The following PINX1 variants were observed in gnomAD, a reference collection of about 807,000 sequenced individuals.
PINX1 encodes PIN2 (TERF1) interacting telomerase inhibitor 1.
In PINX1, 34 loss-of-function variants were observed where a neutral mutation model predicts 25.4. That is an observed-to-expected ratio of 1.34 (90% CI 1.02 to 1.78). The LOEUF is 1.78. Among genes scored for constraint, PINX1 ranks in the 40% most tolerant of loss-of-function variants. The pLI is 0.00. For synonymous variants in PINX1, 197 were observed against 147.7 expected (o/e 1.33, Z -2.42); for missense variants, 592 against 404.9 (o/e 1.46, Z -3.97).
chr8:10,778,486 G>C (rs1364104697), intron 6 of PINX1, among the ~76,000 whole-genome samples: 1 of 152,114 alleles, frequency 6.6e-6, no homozygotes, highest in African/African-American at 2.4e-5. Context: ...ATCTCCTGTA[G>C]GGTTCAAGTG....
Position 10,765,282 on chromosome 8 carries a change from A to G in PINX1, c.*119T>C. 1 of 912,476 alleles carries G rather than the reference A, an allele frequency of 1.1e-6. No individual in the cohort carries two copies. The highest frequency in any genetic ancestry group is 1.8e-5 in the South Asian group (1 of 54,226). 56.5% of individuals were successfully genotyped at this position (912,476 alleles called of 1,614,324 possible). On this transcript the variant is annotated 3_prime_UTR_variant, in exon 7 of 7. Transcript: ENST00000314787. ...GGGCAGGACTCGGCAGCCCATGGGC[A>G]TGCCACAAGATGCGCCCAGGCGCTC...
intron 2 of PINX1, chr8:10,834,296 G>A (rs1798326312): frequency 2.1e-5 from 4 of 186,730 alleles, no homozygotes; most frequent in Admixed American, 1.7e-4. Context: ...TAAGTAATGT[G>A]AGAACAAAAC....
chr8:10,823,498 CT>C (rs2129086813), intron 5 of PINX1, among the ~76,000 whole-genome samples: 1 of 152,072 alleles, frequency 6.6e-6, no homozygotes, highest in South Asian at 2.1e-4. Context: ...TAGCCTCTAT[CT>C]GCAGAGACCT....
intron 3 of PINX1, among the ~76,000 whole-genome samples, chr8:10,832,246 A>T (rs1220275571): frequency 2.0e-5 from 3 of 152,210 alleles, no homozygotes; most frequent in Non-Finnish European, 4.4e-5. Flanking sequence ...TGAATCGATG[A>T]GTTCCCATTT....
chr8:10,817,884 T>C, intron 6 of PINX1, among the ~76,000 whole-genome samples: 1 of 151,838 alleles, frequency 6.6e-6, no homozygotes, highest in South Asian at 2.1e-4. Flanking sequence ...CAACCCTCGC[T>C]CCTTACTGAA....
Position 10,834,764 on chromosome 8 carries a change from G to T in PINX1, c.31C>A (p.Gln11Lys). Residue 11 changes from glutamine (Q) to lysine (K), a missense_variant, in exon 2 of 7, where the codon CAG becomes AAG. By Grantham distance (53) the Gln-to-Lys change is moderately conservative. Transcript: ENST00000314787. ...TTCTGAGGATCCACAGCCCACTTCT[G>T]CTTCCGCCGACCTGTAAATGAAAAA... MSMLAERRRK[Q>K]KWAVDPQNTA... The T allele has an allele frequency of 6.2e-7, 1 of 1,612,352 alleles. No homozygotes were observed. The highest frequency in any genetic ancestry group is 8.5e-7 in the Non-Finnish European group (1 of 1,179,160).
Position 10,780,703 on chromosome 8 carries a change from C to A in PINX1, c.472-14787G>T, listed in dbSNP as rs368213221. Among the ~76,000 whole-genome samples, 6 of 150,446 alleles carry A rather than the reference C, an allele frequency of 4.0e-5. No individual in the cohort carries two copies. In the South Asian group the frequency reaches 1.0e-3, roughly 26 times the overall value. On this transcript the variant is annotated intron_variant, in intron 6 of 6. Coordinates refer to ENST00000314787, the MANE Select transcript of PINX1 (RefSeq NM_017884.6). ...CTGAAAACTATAAAACACTGATGAA[C>A]GAAAAAGGACACAGATAGATGGAAA...
chr8:10,788,667 T>C (rs1477713458), intron 6 of PINX1, among the ~76,000 whole-genome samples: 1 of 152,032 alleles, frequency 6.6e-6, no homozygotes, highest in African/African-American at 2.4e-5. Context: ...TGTGTCTAAG[T>C]GAAAGTGGTC....
intron 6 of PINX1, among the ~76,000 whole-genome samples, chr8:10,776,400 G>C (rs1460037814): frequency 6.6e-6 from 1 of 151,486 alleles, no homozygotes; most frequent in Non-Finnish European, 1.5e-5. Flanking sequence ...ACTCCGGCCT[G>C]GGTAACAGAG....
intron 6 of PINX1, among the ~76,000 whole-genome samples, chr8:10,768,673 C>T (rs1480510546): frequency 6.6e-6 from 1 of 152,132 alleles, no homozygotes; most frequent in African/African-American, 2.4e-5. Flanking sequence ...CAGAAACGTG[C>T]CTATTTTACA....
At chr8:10,767,806 C>G (rs1256670961) in intron 6 of PINX1, among the ~76,000 whole-genome samples, 329 of 74,622 alleles carry the variant, frequency 4.4e-3, no homozygotes, top group Middle Eastern at 8.8e-3. Context: ...CACAGCCACA[C>G]AGAGACAGGC....
rs34143365 is a variant in PINX1 at position 10,765,053 on chromosome 8, GACAC to G, written c.*344_*347del. The G allele has an allele frequency of 1.0e-3, 202 of 201,872 alleles. 1 individual carries two copies. In the East Asian group the frequency reaches 0.013, roughly 13 times the overall value. The allele number at this position is 201,872 out of a possible 1,614,324, so 12.5% of individuals were successfully genotyped here. ...GGAACCGAGAGCAAACGGAGATAGT[GACAC>G]ACACACACACACACAGATGCGCACA... On this transcript the variant is annotated 3_prime_UTR_variant, in exon 7 of 7. Transcript: ENST00000314787.
chr8:10,817,949 A>G (rs7845731), intron 6 of PINX1, among the ~76,000 whole-genome samples: 24,532 of 152,164 alleles, frequency 0.16, 2,474 homozygotes, highest in Non-Finnish European at 0.23. Context: ...ATTTTTTTTA[A>G]ATTTTTCTCC....
intron 6 of PINX1, among the ~76,000 whole-genome samples, chr8:10,766,459 A>G (rs2409669): frequency 0.64 from 97,048 of 152,160 alleles, 32,240 homozygotes; most frequent in African/African-American, 0.82. Flanking sequence ...CTGGCTTGCC[A>G]GGGGCACCCT....
intron 6 of PINX1, among the ~76,000 whole-genome samples, chr8:10,798,536 C>G (rs996384760): frequency 2.6e-5 from 4 of 152,146 alleles, no homozygotes; most frequent in African/African-American, 9.7e-5. Flanking sequence ...TTCTTTTTAT[C>G]AGTCAAACAT....
intron 6 of PINX1, among the ~76,000 whole-genome samples, chr8:10,807,726 C>A (rs981305351): frequency 6.6e-6 from 1 of 152,176 alleles, no homozygotes; most frequent in African/African-American, 2.4e-5. Context: ...GAATTCTATA[C>A]CCAGACCATC....
At chr8:10,788,104 G>C (rs940127564) in intron 6 of PINX1, among the ~76,000 whole-genome samples, 3 of 152,158 alleles carry the variant, frequency 2.0e-5, no homozygotes, top group Non-Finnish European at 4.4e-5. Flanking sequence ...GATGTGATGT[G>C]TAGGAATTGC....
intron 5 of PINX1, chr8:10,825,472 C>G (rs1444171149): frequency 1.1e-5 from 6 of 534,382 alleles, no homozygotes; most frequent in African/African-American, 7.7e-5. Context: ...GGAGTTGGTT[C>G]TATTAGGTTA....
At chr8:10,780,924 G>A (rs1056266079) in intron 6 of PINX1, among the ~76,000 whole-genome samples, 3 of 151,982 alleles carry the variant, frequency 2.0e-5, no homozygotes, top group Admixed American at 1.3e-4. Context: ...AAACAAAGCT[G>A]GAGACACCAC....
Sources: allele counts gnomAD v4.1 joint callset (sites outside exome capture counted in the v4.1 genomes callset), GRCh38; gene constraint gnomAD v4.1.1; transcripts MANE v1.5; gene names NCBI Gene and HGNC (gene_info 2026-07-23, HGNC 2026-07-21).